Variants in DCLK1 observed in about 807,000 individuals in gnomAD.
DCLK1 encodes the protein doublecortin like kinase 1, also known as serine/threonine-protein kinase DCLK1.
DCLK1 carries 16 observed loss-of-function variants against 86.2 expected under a neutral mutation model. The ratio of observed to expected loss-of-function variants is 0.19; its 90% CI spans 0.13 to 0.28. The LOEUF (loss-of-function observed/expected upper bound fraction) is 0.28, where lower values mean the gene tolerates loss of function less well. Ranked by LOEUF, DCLK1 falls within the 10% of genes least tolerant of loss-of-function variation. DCLK1 has a pLI of 1.00. For synonymous variants in DCLK1, 369 were observed against 370.5 expected, an observed-to-expected ratio of 1.00 and a Z score of 0.05; for missense variants, 590 against 940.2, an observed-to-expected ratio of 0.63 and a Z score of 4.87.
intron 5 of DCLK1, among the ~76,000 whole-genome samples, chr13:35,867,228 T>C (rs1007160770): frequency 6.6e-6 from 1 of 152,134 alleles, no homozygotes; most frequent in South Asian, 2.1e-4. Context: ...AATCAGAAAA[T>C]GATTGCATGT....
chr13:35,855,420 T>C, intron 5 of DCLK1: 2 of 1,286,964 alleles, frequency 1.6e-6, no homozygotes, highest in Non-Finnish European at 2.2e-6. Context: ...CCACAGTCAG[T>C]GAAGTAGAAT....
chr13:35,787,124 CAT>C, intron 16 of DCLK1, among the ~76,000 whole-genome samples: 1 of 150,790 alleles, frequency 6.6e-6, no homozygotes, highest in East Asian at 1.9e-4. Flanking sequence ...TTATGTATAA[CAT>C]ATATACTTTA....
At chr13:35,805,911 AC>A in intron 14 of DCLK1, 132 bp from the exon 15 acceptor site, 1 of 639,854 alleles carries the variant, frequency 1.6e-6, no homozygotes, top group East Asian at 3.1e-5. Context: ...CATCAACTCC[AC>A]TTACCTGTGG....
intron 3 of DCLK1, among the ~76,000 whole-genome samples, chr13:35,984,896 T>G (rs989007763): frequency 9.2e-4 from 112 of 122,272 alleles, no homozygotes; most frequent in Non-Finnish European, 4.9e-4. Flanking sequence ...AGCGTGCGCA[T>G]GCACACACAC....
At chr13:36,077,306 C>T (rs1884247277) in intron 3 of DCLK1, among the ~76,000 whole-genome samples, 1 of 152,164 alleles carries the variant, frequency 6.6e-6, no homozygotes, top group South Asian at 2.1e-4. Context: ...TAAACAATCA[C>T]AGCTCCATCA....
chr13:35,994,550 C>T (rs1208156411), intron 3 of DCLK1, among the ~76,000 whole-genome samples: 1 of 151,960 alleles, frequency 6.6e-6, no homozygotes, highest in Non-Finnish European at 1.5e-5. Flanking sequence ...GGTAATTATA[C>T]TAAAAATAAA....
chr13:36,096,296 C>G (rs1172507131), intron 3 of DCLK1, among the ~76,000 whole-genome samples: 1 of 152,118 alleles, frequency 6.6e-6, no homozygotes, highest in East Asian at 1.9e-4. Context: ...ACAGGGGAGA[C>G]CGGTCCTTGT....
At chr13:35,850,956 G>A (rs796326139) in intron 6 of DCLK1, among the ~76,000 whole-genome samples, 2 of 152,254 alleles carry the variant, frequency 1.3e-5, no homozygotes, top group African/African-American at 4.8e-5. Flanking sequence ...AAACAAAATG[G>A]TGCTGGTTTC....
intron 11 of DCLK1, among the ~76,000 whole-genome samples, chr13:35,815,657 G>A (rs187902982): frequency 4.6e-5 from 7 of 152,052 alleles, no homozygotes; most frequent in East Asian, 1.9e-4. Context: ...CTCTTGCTAC[G>A]GTATATGGCC....
intron 4 of DCLK1, among the ~76,000 whole-genome samples, chr13:35,900,242 C>CTTTT (rs71081294): frequency 7.1e-6 from 1 of 141,836 alleles, no homozygotes. Flanking sequence ...ACTAAATAAA[C>CTTTT]TTTTTTTTTT....
rs372510658 is a variant in DCLK1 at position 35,946,732 on chromosome 13, T to C, written c.823+626A>G. On this transcript the variant is annotated intron_variant, in intron 4 of 16. Transcript: ENST00000360631. ...TGATAGTGCTAAGATTCTCAGATGA[T>C]TAATAGTATCAAAAATATCATTCTT... 5.8e-4 allele frequency among the ~76,000 whole-genome samples: 89 copies of C among 152,348 alleles called. No homozygotes were observed. In the South Asian group the frequency reaches 0.018, roughly 31 times the overall value.
intron 4 of DCLK1, among the ~76,000 whole-genome samples, chr13:35,910,012 T>C (rs1874920425): frequency 6.6e-6 from 1 of 152,134 alleles, no homozygotes; most frequent in African/African-American, 2.4e-5. Flanking sequence ...TCCATCCGCT[T>C]TGCTTCTCCT....
intron 3 of DCLK1, among the ~76,000 whole-genome samples, chr13:36,093,980 C>T (rs766375569): frequency 6.6e-6 from 1 of 152,146 alleles, no homozygotes; most frequent in Non-Finnish European, 1.5e-5. Context: ...TATCAAACTC[C>T]TGGACTCCAG....
intron 1 of DCLK1, among the ~76,000 whole-genome samples, chr13:36,128,985 C>T (rs1886279730): frequency 6.6e-6 from 1 of 152,148 alleles, no homozygotes; most frequent in Non-Finnish European, 1.5e-5. Flanking sequence ...TCCCAGTACT[C>T]ACACCAACTC....
At chr13:35,932,844 C>A (rs1165140019) in intron 4 of DCLK1, among the ~76,000 whole-genome samples, 1 of 152,244 alleles carries the variant, frequency 6.6e-6, no homozygotes, top group Non-Finnish European at 1.5e-5. Context: ...CATGTCCTCA[C>A]ATTTCAAAAC....
chr13:35,935,533 C>CTGATGCCA (rs1566610086), intron 4 of DCLK1, among the ~76,000 whole-genome samples: 1 of 152,100 alleles, frequency 6.6e-6, no homozygotes, highest in Non-Finnish European at 1.5e-5. Flanking sequence ...GTTGAGAATG[C>CTGATGCCA]TGATGCCATG....
At chr13:35,897,817 G>C (rs1003847534) in intron 4 of DCLK1, among the ~76,000 whole-genome samples, 2 of 152,166 alleles carry the variant, frequency 1.3e-5, no homozygotes, top group African/African-American at 4.8e-5. Flanking sequence ...AAACACACCT[G>C]ATAAAGGAGA....
intron 4 of DCLK1, among the ~76,000 whole-genome samples, chr13:35,895,619 A>C (rs1873916437): frequency 6.6e-6 from 1 of 152,156 alleles, no homozygotes; most frequent in Non-Finnish European, 1.5e-5. Context: ...GCATGTGGGT[A>C]GCTATCTCTA....
intron 3 of DCLK1, among the ~76,000 whole-genome samples, chr13:36,080,991 C>A (rs7981265): frequency 5.3e-5 from 8 of 152,118 alleles, no homozygotes; most frequent in African/African-American, 1.7e-4. Flanking sequence ...CAGGCCCCAA[C>A]AGTACAGACT....
Sources: allele counts gnomAD v4.1 joint callset (sites outside exome capture counted in the v4.1 genomes callset), GRCh38; gene constraint gnomAD v4.1.1; transcripts MANE v1.5; gene names NCBI Gene and HGNC (gene_info 2026-07-23, HGNC 2026-07-21).